CCSER1: variants seen among roughly 807,000 people sequenced by gnomAD.
CCSER1 encodes the protein coiled-coil serine rich protein 1, also known as serine-rich coiled-coil domain-containing protein 1.
In CCSER1, 41 loss-of-function variants were observed where a neutral mutation model predicts 82.0. That is an observed-to-expected ratio of 0.50 (90% CI 0.39 to 0.65). The LOEUF is 0.65. Among genes scored for constraint, CCSER1 ranks in the 30% least tolerant of loss-of-function variants. The probability of loss-of-function intolerance (pLI) is 0.00; values close to 1 mark genes in which losing one functional copy is unlikely to be tolerated. For missense variants in CCSER1, 1,119 were observed against 1,064.2 expected (o/e 1.05, Z -0.72); for synonymous variants, 414 against 383.9 (o/e 1.08, Z -0.92).
intron 4 of CCSER1, chr4:90,404,022 G>A (rs1254635634): frequency 6.6e-6 from 1 of 152,196 alleles, no homozygotes; most frequent in Admixed American, 6.5e-5. Flanking sequence ...AAAAAACTGT[G>A]AGTCTGCTTG....
intron 1 of CCSER1, among the ~76,000 whole-genome samples, chr4:90,302,660 G>T (rs1001971485): frequency 1.3e-5 from 2 of 151,922 alleles, no homozygotes; most frequent in South Asian, 2.1e-4. Flanking sequence ...AAAGTTAATT[G>T]GGCATGATGC....
chr4:91,226,704 G>C (rs1738231861), intron 10 of CCSER1, among the ~76,000 whole-genome samples: 1 of 151,796 alleles, frequency 6.6e-6, no homozygotes, highest in Non-Finnish European at 1.5e-5. Flanking sequence ...AAAATTCTAT[G>C]CATTTGTCTC....
chr4:90,150,067 AG>A (rs1255296195), intron 1 of CCSER1, among the ~76,000 whole-genome samples: 1 of 152,186 alleles, frequency 6.6e-6, no homozygotes, highest in East Asian at 1.9e-4. Flanking sequence ...CCCTCCATAT[AG>A]GGGATAACCA....
intron 9 of CCSER1, among the ~76,000 whole-genome samples, chr4:90,937,031 G>GT (rs1445249236): frequency 1.3e-5 from 2 of 152,216 alleles, no homozygotes; most frequent in South Asian, 2.1e-4. Context: ...AACCAGACAA[G>GT]TTTTTTTGTC....
intron 9 of CCSER1, among the ~76,000 whole-genome samples, chr4:90,959,298 G>A (rs945494010): frequency 1.3e-5 from 2 of 152,100 alleles, no homozygotes; most frequent in Non-Finnish European, 2.9e-5. Flanking sequence ...TATAATACGT[G>A]TCAATAATAC....
intron 10 of CCSER1, among the ~76,000 whole-genome samples, chr4:91,427,531 C>T (rs931875494): frequency 2.6e-5 from 4 of 151,936 alleles, no homozygotes; most frequent in African/African-American, 9.7e-5. Flanking sequence ...TTAGGATATA[C>T]AATGGAGAAA....
At chr4:91,492,670 A>C (rs574230710) in intron 10 of CCSER1, among the ~76,000 whole-genome samples, 17 of 152,026 alleles carry the variant, frequency 1.1e-4, no homozygotes, top group Non-Finnish European at 2.2e-4. Flanking sequence ...TGTTGTTGAA[A>C]ATGTTTATGG....
chr4:90,488,238 GT>G (rs1389210581), intron 5 of CCSER1, among the ~76,000 whole-genome samples: 2 of 152,088 alleles, frequency 1.3e-5, no homozygotes, highest in African/African-American at 4.8e-5. Context: ...CTGGAGTACA[GT>G]GGCGTGATCT....
rs76077624 is a variant in CCSER1 at position 90,161,450 on chromosome 4, C to G, written c.-42+33619C>G. Among the ~76,000 whole-genome samples the G allele has an allele frequency of 7.5e-3, 1,142 of 152,084 alleles. 16 individuals carry two copies. The highest frequency in any genetic ancestry group is 0.026 in the African/African-American group (1,061 of 41,514). Reference sequence around the variant, plus strand: ...AATTTACATATTGTTGATGTATTAGCTGTTGGCATTTTGTTATAATTAATT... The same window carrying G: ...AATTTACATATTGTTGATGTATTAGGTGTTGGCATTTTGTTATAATTAATT... On this transcript the variant is annotated intron_variant, in intron 1 of 10. Transcript: ENST00000509176.
At chr4:90,444,126 G>A (rs1357239230) in intron 4 of CCSER1, among the ~76,000 whole-genome samples, 1 of 152,016 alleles carries the variant, frequency 6.6e-6, no homozygotes, top group Non-Finnish European at 1.5e-5. Context: ...TTCCTAGAAT[G>A]TGTGGAATTT....
At chr4:91,598,012 A>G (rs1173906013) in intron 10 of CCSER1, among the ~76,000 whole-genome samples, 3 of 152,186 alleles carry the variant, frequency 2.0e-5, no homozygotes, top group Admixed American at 1.3e-4. Flanking sequence ...TAAATGAAAC[A>G]TGTATTGAAA....
intron 10 of CCSER1, among the ~76,000 whole-genome samples, chr4:91,369,882 A>T (rs769931973): frequency 2.0e-5 from 3 of 149,556 alleles, no homozygotes; most frequent in Non-Finnish European, 4.4e-5. Context: ...GGGTTTCACC[A>T]TGTTGGCCAG....
chr4:91,423,615 G>C (rs898367923), intron 10 of CCSER1, among the ~76,000 whole-genome samples: 4 of 152,006 alleles, frequency 2.6e-5, no homozygotes, highest in Non-Finnish European at 5.9e-5. Context: ...TTATTTTATA[G>C]GTAATGCACA....
intron 10 of CCSER1, among the ~76,000 whole-genome samples, chr4:91,558,793 C>T (rs905582523): frequency 1.3e-5 from 2 of 151,582 alleles, no homozygotes; most frequent in South Asian, 2.1e-4. Context: ...AATTACATCC[C>T]CCTGGGTCCC....
intron 4 of CCSER1, among the ~76,000 whole-genome samples, chr4:90,415,841 A>G (rs1755705747): frequency 6.6e-6 from 1 of 152,250 alleles, no homozygotes; most frequent in African/African-American, 2.4e-5. Context: ...AATTAAAGTT[A>G]AAAGAGGGCT....
chr4:91,100,360 G>T (rs1216075339), intron 10 of CCSER1, among the ~76,000 whole-genome samples: 2 of 139,760 alleles, frequency 1.4e-5, no homozygotes, highest in Non-Finnish European at 3.2e-5. Context: ...CCAATACATG[G>T]CAACAGTTAC....
intron 1 of CCSER1, among the ~76,000 whole-genome samples, chr4:90,128,979 T>TTAA (rs1722357978): frequency 6.6e-6 from 1 of 152,198 alleles, no homozygotes; most frequent in Non-Finnish European, 1.5e-5. Flanking sequence ...TACAGATTCT[T>TTAA]TGCCCTTTAA....
At chr4:90,519,169 T>G (rs978452016) in intron 5 of CCSER1, among the ~76,000 whole-genome samples, 5 of 151,834 alleles carry the variant, frequency 3.3e-5, no homozygotes, top group African/African-American at 9.7e-5. Context: ...ATTCATTTAT[T>G]CATTCATTCA....
chr4:91,428,346 T>C (rs936712853), intron 10 of CCSER1, among the ~76,000 whole-genome samples: 1 of 152,110 alleles, frequency 6.6e-6, no homozygotes, highest in Non-Finnish European at 1.5e-5. Context: ...GATTCCTTTG[T>C]CACTTTTTAT....
Sources: allele counts gnomAD v4.1 joint callset (sites outside exome capture counted in the v4.1 genomes callset), GRCh38; gene constraint gnomAD v4.1.1; transcripts MANE v1.5; gene names NCBI Gene and HGNC (gene_info 2026-07-23, HGNC 2026-07-21).